The following SIRT1 variants were observed in gnomAD, a reference collection of about 807,000 sequenced individuals.
SIRT1 encodes sirtuin 1, also known as NAD-dependent protein deacetylase sirtuin-1.
Under a neutral mutation model 67.9 loss-of-function variants are expected in SIRT1, and 24 were observed. That is an observed-to-expected ratio of 0.35 (90% CI 0.26 to 0.50). SIRT1 has a LOEUF of 0.50. Among genes scored for constraint, SIRT1 ranks in the 20% least tolerant of loss-of-function variants. The pLI is 0.98. For missense variants in SIRT1, 873 were observed against 937.2 expected, an observed-to-expected ratio of 0.93 and a Z score of 0.89; for synonymous variants, 378 against 350.7, an observed-to-expected ratio of 1.08 and a Z score of -0.87.
At chr10:67,906,134 G>A (rs1264891182) in intron 4 of SIRT1, 11 of 1,309,260 alleles carry the variant, frequency 8.4e-6, no homozygotes, top group Non-Finnish European at 1.1e-5. Context: ...TTTTTGCCAT[G>A]TGTATATCTG....
rs1029959272 is a variant in SIRT1 at position 67,884,928 on chromosome 10, TGCG to T, written c.220_222del (p.Ala74del). On this transcript the variant is annotated inframe_deletion, in exon 1 of 9. Coordinates refer to ENST00000212015, the MANE Select transcript of SIRT1 (RefSeq NM_012238.5). The stretch of plus-strand genomic sequence containing the variant: ...CGGCGGCGGCCAGGGGCTGCCCGGG[TGCG>T]GCGGCGGCGGCGCTGTGGCGGGAGG... 41 of 1,235,030 alleles carry T rather than the reference TGCG, an allele frequency of 3.3e-5. No individual in the cohort carries two copies. Among genetic ancestry groups the T allele is most frequent in the South Asian group, 2.0e-4 (5 of 25,180 alleles). 76.5% of individuals were successfully genotyped at this position (1,235,030 alleles called of 1,614,324 possible).
At position 67,900,387 on chromosome 10, in the gene SIRT1, C is replaced by T. The variant is rs35012098; in HGVS notation, c.943-6403C>T. On this transcript the variant is annotated intron_variant, in intron 4 of 8. Coordinates refer to ENST00000212015, the MANE Select transcript of SIRT1 (RefSeq NM_012238.5). Reference sequence around the variant, plus strand: ...CTTGAACTCCTAACCTCAGGTGATCCGCCCACCTTGGCCTCCCAAAGTGCT... The same window carrying T: ...CTTGAACTCCTAACCTCAGGTGATCTGCCCACCTTGGCCTCCCAAAGTGCT... Among the ~76,000 whole-genome samples the T allele has an allele frequency of 1.1e-3, 166 of 152,172 alleles. 4 individuals are homozygous for T. The East Asian group carries it at 0.027, about 25-fold the overall frequency.
chr10:67,903,451 C>T (rs1267297713), intron 4 of SIRT1, among the ~76,000 whole-genome samples: 2 of 150,662 alleles, frequency 1.3e-5, no homozygotes, highest in African/African-American at 4.9e-5. Flanking sequence ...GTGGTGTGAT[C>T]TAGGCTCACT....
In SIRT1 at chr10:67,907,490, C is replaced by CAA. The variant is rs373037115; in HGVS notation, c.1091-539_1091-538dup. ...AGCCTGGGAGACAGTGAGACTCTGT[C>CAA]AAAAAAAAAAAAAAAAAAGAAAAAG... On this transcript the variant is annotated intron_variant, in intron 5 of 8. Coordinates refer to ENST00000212015, the MANE Select transcript of SIRT1 (RefSeq NM_012238.5). 6.5e-3 allele frequency among the ~76,000 whole-genome samples: 705 copies of CAA among 108,562 alleles called. 14 individuals carry two copies. The highest frequency in any genetic ancestry group is 8.0e-3 in the Non-Finnish European group (458 of 57,258). The allele number at this position is 108,562 out of a possible 152,430, so 71.2% of individuals were successfully genotyped here.
At chr10:67,893,970 C>G (rs1842614176) in intron 4 of SIRT1, among the ~76,000 whole-genome samples, 1 of 152,040 alleles carries the variant, frequency 6.6e-6, no homozygotes. Flanking sequence ...AAATTGGCGA[C>G]TGTCTTTAAA....
chr10:67,885,659 T>C (rs1012870295), intron 1 of SIRT1, among the ~76,000 whole-genome samples: 1 of 152,242 alleles, frequency 6.6e-6, no homozygotes, highest in South Asian at 2.1e-4. Flanking sequence ...AATTACAATT[T>C]TTGAAAGAGG....
At chr10:67,913,088 A>C in intron 8 of SIRT1, 57 bp downstream of exon 8, 1 of 1,518,960 alleles carries the variant, frequency 6.6e-7, no homozygotes, top group Admixed American at 2.3e-5. Context: ...GTATTTCCAA[A>C]AAATTAGCTA....
chr10:67,903,211 C>G (rs912005074), intron 4 of SIRT1, among the ~76,000 whole-genome samples: 3 of 152,188 alleles, frequency 2.0e-5, no homozygotes, highest in African/African-American at 7.2e-5. Context: ...TCTCCCTCCT[C>G]TGTCTCCCCA....
At chr10:67,911,843 A>G (rs1029791843) in intron 7 of SIRT1, among the ~76,000 whole-genome samples, 44 of 129,106 alleles carry the variant, frequency 3.4e-4, no homozygotes, top group African/African-American at 1.3e-3. Flanking sequence ...CAATGGCATG[A>G]TCTCGGCTCA....
intron 4 of SIRT1, among the ~76,000 whole-genome samples, chr10:67,901,642 C>T (rs1157464926): frequency 6.6e-6 from 1 of 152,170 alleles, no homozygotes; most frequent in Non-Finnish European, 1.5e-5. Context: ...ATTAAAAGTG[C>T]TTATGTTATA....
At chr10:67,894,979 A>T (rs1842630400) in intron 4 of SIRT1, among the ~76,000 whole-genome samples, 1 of 149,038 alleles carries the variant, frequency 6.7e-6, no homozygotes, top group Admixed American at 6.7e-5. Flanking sequence ...TACAGGTGTG[A>T]GCCACAATGT....
intron 3 of SIRT1, among the ~76,000 whole-genome samples, chr10:67,889,588 C>T (rs566193135): frequency 6.6e-6 from 1 of 152,288 alleles, no homozygotes; most frequent in African/African-American, 2.4e-5. Context: ...ATTGTGGCGA[C>T]TTGACATTTT....
intron 1 of SIRT1, among the ~76,000 whole-genome samples, chr10:67,886,149 G>T (rs546438490): frequency 1.3e-5 from 2 of 151,866 alleles, no homozygotes; most frequent in Admixed American, 1.3e-4. Context: ...CACCATGTTG[G>T]CCAGGATGGT....
intron 4 of SIRT1, 41 bp downstream of exon 4, chr10:67,891,595 A>G (rs773542794): frequency 3.7e-6 from 6 of 1,600,712 alleles, no homozygotes; most frequent in Non-Finnish European, 5.1e-6. Context: ...GCCTTCTCTC[A>G]TGAAAAAGTA....
intron 8 of SIRT1, among the ~76,000 whole-genome samples, chr10:67,913,915 A>G (rs1842938313): frequency 1.3e-5 from 2 of 151,816 alleles, no homozygotes; most frequent in South Asian, 4.2e-4. Context: ...CATATTAGGC[A>G]CTGTGGTAAG....
At chr10:67,909,936 T>C (rs1003549946) in intron 7 of SIRT1, among the ~76,000 whole-genome samples, 3 of 152,086 alleles carry the variant, frequency 2.0e-5, no homozygotes, top group Non-Finnish European at 2.9e-5. Flanking sequence ...GGATTCGAAC[T>C]CCTGGGCTCA....
At chr10:67,914,479 C>A (rs1469063965) in intron 8 of SIRT1, among the ~76,000 whole-genome samples, 1 of 152,144 alleles carries the variant, frequency 6.6e-6, no homozygotes, top group Non-Finnish European at 1.5e-5. Context: ...ACAGGGGAAA[C>A]TAGAAAAAGC....
chr10:67,906,217 C>A, intron 4 of SIRT1: 1 of 1,482,308 alleles, frequency 6.7e-7, no homozygotes, highest in Non-Finnish European at 9.0e-7. Context: ...CAAAATCCAG[C>A]AACTCAGCAT....
intron 4 of SIRT1, among the ~76,000 whole-genome samples, chr10:67,900,213 T>C (rs1842720702): frequency 6.6e-6 from 1 of 152,172 alleles, no homozygotes; most frequent in Non-Finnish European, 1.5e-5. Flanking sequence ...TGGTGCCATC[T>C]TGGCTCACTG....
Sources: allele counts gnomAD v4.1 joint callset (sites outside exome capture counted in the v4.1 genomes callset), GRCh38; gene constraint gnomAD v4.1.1; transcripts MANE v1.5; gene names NCBI Gene and HGNC (gene_info 2026-07-23, HGNC 2026-07-21).